RABGAP1L: variants seen among roughly 807,000 people sequenced by gnomAD.
The protein encoded by RABGAP1L is RAB GTPase activating protein 1 like.
RABGAP1L carries 63 observed loss-of-function variants against 137.7 expected under a neutral mutation model. The ratio of observed to expected loss-of-function variants is 0.46; its 90% CI spans 0.37 to 0.56. The LOEUF is 0.56. RABGAP1L is among the 20% of genes least tolerant of loss of function. RABGAP1L has a pLI of 0.00. For missense variants in RABGAP1L, 1,095 were observed against 1,244.0 expected (o/e 0.88, Z 1.80); for synonymous variants, 431 against 433.7 (o/e 0.99, Z 0.08).
chr1:174,637,293 T>C (rs888208407), intron 13 of RABGAP1L, 82 bp from the exon 14 acceptor site: 2 of 926,804 alleles, frequency 2.2e-6, no homozygotes. Flanking sequence ...TCTTGCTGTT[T>C]GAGTTTTTTA....
At chr1:174,989,487 T>C (rs1671895894) in intron 25 of RABGAP1L, among the ~76,000 whole-genome samples, 1 of 152,230 alleles carries the variant, frequency 6.6e-6, no homozygotes, top group African/African-American at 2.4e-5. Flanking sequence ...GAACTGGAAT[T>C]CATTCATGCT....
intron 13 of RABGAP1L, among the ~76,000 whole-genome samples, chr1:174,395,495 CAT>C (rs1647720494): frequency 6.6e-6 from 1 of 151,934 alleles, no homozygotes; most frequent in African/African-American, 2.4e-5. Context: ...CATTTTGAAA[CAT>C]ATGGCGGTTT....
intron 13 of RABGAP1L, among the ~76,000 whole-genome samples, chr1:174,468,923 G>T (rs1400422791): frequency 1.3e-5 from 2 of 152,090 alleles, no homozygotes; most frequent in Non-Finnish European, 2.9e-5. Flanking sequence ...GAATATTTTT[G>T]CTTTTGAGTA....
At chr1:174,762,480 A>G (rs1685305030) in intron 18 of RABGAP1L, among the ~76,000 whole-genome samples, 1 of 152,200 alleles carries the variant, frequency 6.6e-6, no homozygotes, top group Non-Finnish European at 1.5e-5. Flanking sequence ...CCTTCTGCAA[A>G]CTTAGGTTAG....
chr1:174,345,192 T>G (rs1009469579), intron 11 of RABGAP1L, among the ~76,000 whole-genome samples: 1 of 152,184 alleles, frequency 6.6e-6, no homozygotes, highest in Non-Finnish European at 1.5e-5. Context: ...TTGCTATAGC[T>G]CTTTAGTATA....
chr1:174,327,458 G>A (rs1680537910), intron 11 of RABGAP1L, among the ~76,000 whole-genome samples: 1 of 151,686 alleles, frequency 6.6e-6, no homozygotes, highest in South Asian at 2.1e-4. Context: ...GATGTTTTTT[G>A]TAAGTCTCAT....
chr1:174,445,212 T>A (rs2149242400), intron 13 of RABGAP1L, among the ~76,000 whole-genome samples: 1 of 152,266 alleles, frequency 6.6e-6, no homozygotes, highest in African/African-American at 2.4e-5. Context: ...AAGTCACTTT[T>A]AAGAAAAATG....
At chr1:174,544,115 G>A (rs939575425) in intron 13 of RABGAP1L, among the ~76,000 whole-genome samples, 2 of 152,132 alleles carry the variant, frequency 1.3e-5, no homozygotes, top group African/African-American at 4.8e-5. Context: ...GGCGTTCTCT[G>A]TATTTCCTGA....
At position 174,990,104 on chromosome 1, in the gene RABGAP1L, A is replaced by G. The variant is rs1671961108; in HGVS notation, c.*103A>G. The G allele has an allele frequency of 7.3e-7, 1 of 1,362,506 alleles. No homozygotes were observed. Among genetic ancestry groups the G allele is most frequent in the Non-Finnish European group, 9.9e-7 (1 of 1,015,198 alleles). The allele number at this position is 1,362,506 out of a possible 1,614,324, so 84.4% of individuals were successfully genotyped here. A position where few individuals can be genotyped will look rare whatever the true frequency, so the allele number is the denominator to read the frequency against. On this transcript the variant is annotated 3_prime_UTR_variant, in exon 26 of 26. Transcript: ENST00000681986. ...GAAGGAAAGTCAAGGAGGCCAGAAA[A>G]CAAGCCAGAATTTTTCAGTAGCTCT...
intron 11 of RABGAP1L, among the ~76,000 whole-genome samples, chr1:174,327,990 T>TATATATATATATATATACACACAC (rs1680649811): frequency 5.5e-5 from 2 of 36,372 alleles, no homozygotes; most frequent in South Asian, 1.5e-3. Flanking sequence ...CACACACATA[T>TATATATATATATATATACACACAC]ATATATATAT....
chr1:174,838,697 A>G (rs889433395), intron 19 of RABGAP1L, among the ~76,000 whole-genome samples: 5 of 151,970 alleles, frequency 3.3e-5, no homozygotes, highest in Admixed American at 3.3e-4. Flanking sequence ...TGGGAGGCCG[A>G]GGCGGGCGGA....
chr1:174,776,932 T>C (rs1487766816), intron 18 of RABGAP1L, among the ~76,000 whole-genome samples: 1 of 152,230 alleles, frequency 6.6e-6, no homozygotes, highest in Admixed American at 6.5e-5. Flanking sequence ...CAGTTTAGAT[T>C]GTAGACCATG....
intron 19 of RABGAP1L, among the ~76,000 whole-genome samples, chr1:174,887,399 A>G (rs114820488): frequency 0.024 from 3,681 of 152,322 alleles, 61 homozygotes; most frequent in Middle Eastern, 0.085. Context: ...ACATATACTC[A>G]TTGAAAAATG....
At chr1:174,970,218 G>A (rs185460471) in intron 21 of RABGAP1L, among the ~76,000 whole-genome samples, 2 of 152,252 alleles carry the variant, frequency 1.3e-5, no homozygotes, top group East Asian at 3.9e-4. Flanking sequence ...AACCAAAGAA[G>A]GTAGCCGGAT....
chr1:174,957,733 T>TC (rs1243109848), intron 20 of RABGAP1L, 184 bp downstream of exon 20: 1 of 875,882 alleles, frequency 1.1e-6, no homozygotes, highest in East Asian at 3.0e-5. Context: ...CTTTTTTTTT[T>TC]TTTTTTTTTT....
At chr1:174,722,458 T>C (rs1681635814) in intron 17 of RABGAP1L, among the ~76,000 whole-genome samples, 1 of 151,972 alleles carries the variant, frequency 6.6e-6, no homozygotes, top group African/African-American at 2.4e-5. Flanking sequence ...CAAGCTTCTT[T>C]TTTTTTTTGA....
At chr1:174,727,037 G>A (rs1393771820) in intron 17 of RABGAP1L, among the ~76,000 whole-genome samples, 2 of 152,088 alleles carry the variant, frequency 1.3e-5, no homozygotes, top group African/African-American at 2.4e-5. Context: ...TTTCTTGTAA[G>A]CTTCTGCTTA....
At chr1:174,637,028 A>C (rs911833996) in intron 13 of RABGAP1L, among the ~76,000 whole-genome samples, 1 of 152,190 alleles carries the variant, frequency 6.6e-6, no homozygotes, top group Non-Finnish European at 1.5e-5. Context: ...CTATATGTAC[A>C]TGTCTTGATA....
chr1:174,504,597 CA>C (rs1661643034), intron 13 of RABGAP1L, among the ~76,000 whole-genome samples: 2 of 152,054 alleles, frequency 1.3e-5, no homozygotes, highest in African/African-American at 4.8e-5. Flanking sequence ...TGATTTTTGA[CA>C]ACTATGCCAA....
Sources: gnomAD v4.1 joint callset for allele counts (sites outside exome capture counted in the v4.1 genomes callset) on GRCh38, gnomAD v4.1.1 for gene constraint, MANE v1.5 for transcripts, NCBI Gene and HGNC (gene_info 2026-07-23, HGNC 2026-07-21) for gene names.